Variants in ACP3 observed in about 807,000 individuals in gnomAD.
The protein encoded by ACP3 is prostatic acid phosphatase.
ACP3 carries 38 observed loss-of-function variants against 45.6 expected under a neutral mutation model. The ratio of observed to expected loss-of-function variants is 0.83; its 90% CI spans 0.64 to 1.09. The LOEUF is 1.09. Ranked by LOEUF, ACP3 falls within the 50% of genes least tolerant of loss-of-function variation. ACP3 has a pLI of 0.00. For synonymous variants in ACP3, 162 were observed against 164.7 expected (o/e 0.98, Z 0.13); for missense variants, 466 against 463.2 (o/e 1.01, Z -0.05).
downstream of ACP3, chr3:132,358,884 G>T (rs1037275264): frequency 3.1e-6 from 3 of 982,468 alleles, no homozygotes; most frequent in Non-Finnish European, 3.6e-6. Flanking sequence ...ATAACAAGAT[G>T]GAAAATATTA....
rs185192942 is a variant in ACP3 at position 132,327,547 on chromosome 3, G to A, written c.121-720G>A. Among the ~76,000 whole-genome samples, 20 of 150,440 alleles carry A rather than the reference G, an allele frequency of 1.3e-4. No individual in the cohort carries two copies. The South Asian group carries it at 1.5e-3, about 11-fold the overall frequency. On this transcript the variant is annotated intron_variant, in intron 1 of 9. Coordinates refer to ENST00000336375, the MANE Select transcript of ACP3 (RefSeq NM_001099.5). ...AAAAAAAGTTATACTAGTTGGGCAC[G>A]GTGGCTCACACCTGTAATCCCAGCA...
intron 10 of ACP3, among the ~76,000 whole-genome samples, chr3:132,365,394 G>T (rs1035177289): frequency 6.6e-6 from 1 of 152,200 alleles, no homozygotes; most frequent in African/African-American, 2.4e-5. Context: ...AGGGATGTGT[G>T]GGAGAGCATT....
chr3:132,329,551 G>A (rs1937362116), intron 2 of ACP3, among the ~76,000 whole-genome samples: 1 of 152,160 alleles, frequency 6.6e-6, no homozygotes, highest in African/African-American at 2.4e-5. Flanking sequence ...TTGAATGAAA[G>A]AGAGGCTACA....
At chr3:132,361,376 G>A (rs73215948), downstream of ACP3, among the ~76,000 whole-genome samples, 17,880 of 152,054 alleles carry the variant, frequency 0.12, 1,334 homozygotes, top group Non-Finnish European at 0.18. Flanking sequence ...GGTATGCTCC[G>A]ATTCACTCCT....
chr3:132,339,780 T>C (rs1316756740), intron 5 of ACP3, among the ~76,000 whole-genome samples: 1 of 152,182 alleles, frequency 6.6e-6, no homozygotes, highest in Non-Finnish European at 1.5e-5. Context: ...ATAGGCATGA[T>C]TGATTAAGCC....
chr3:132,320,412 T>G (rs1937184645), intron 1 of ACP3, among the ~76,000 whole-genome samples: 1 of 151,990 alleles, frequency 6.6e-6, no homozygotes, highest in African/African-American at 2.4e-5. Context: ...CCCACTTGAG[T>G]TTTTTAAGTT....
At chr3:132,337,613 A>C in intron 5 of ACP3, 59 bp downstream of exon 5, 1 of 1,117,712 alleles carries the variant, frequency 8.9e-7, no homozygotes, top group Non-Finnish European at 1.3e-6. Flanking sequence ...CTTGAGTGTG[A>C]GGGCCAAGAC....
At position 132,332,513 on chromosome 3, in the gene ACP3, AAG is replaced by A. The variant is rs1937418710; in HGVS notation, c.456+176_456+177del. On this transcript the variant is annotated intron_variant, in intron 4 of 9. Coordinates refer to ENST00000336375, the MANE Select transcript of ACP3 (RefSeq NM_001099.5). ...ATTTAGGACATGGAAAACCCTAGCTAAGAGAGAGTAGGAACCAAATTTCTCTT... is the reference window on the plus strand; with the variant it reads ...ATTTAGGACATGGAAAACCCTAGCTAAGAGAGTAGGAACCAAATTTCTCTT... The A allele has an allele frequency of 2.4e-5, 20 of 827,736 alleles. No homozygotes were observed. The South Asian group carries it at 3.8e-4, about 16-fold the overall frequency. The allele number at this position is 827,736 out of a possible 1,614,324, so 51.3% of individuals were successfully genotyped here.
In ACP3 at chr3:132,332,213, G is replaced by A. The variant is rs1377362341; in HGVS notation, c.325G>A (p.Val109Ile). The change falls in exon 4 of 10, where the codon GTT (valine) becomes ATT (isoleucine). Residue 109 changes from valine (V) to isoleucine (I), a missense_variant. Val to Ile is a conservative substitution (Grantham distance 29). Transcript: ENST00000336375. ...CTAGGTTTATATTCGAAGCACAGACGTTGACCGGACTTTGATGAGTGCTAT... is the reference window on the plus strand; with the variant it reads ...CTAGGTTTATATTCGAAGCACAGACATTGACCGGACTTTGATGAGTGCTAT... ...HEQVYIRSTDVDRTLMSAMTN... is the reference protein window; with the variant it reads ...HEQVYIRSTDIDRTLMSAMTN... 1.1e-5 allele frequency: 17 copies of A among 1,613,970 alleles called. No individual in the cohort carries two copies. The highest frequency in any genetic ancestry group is 1.6e-4 in the Middle Eastern group (1 of 6,082).
chr3:132,325,619 C>CACACACACACACA (rs1308503169), intron 1 of ACP3, among the ~76,000 whole-genome samples: 6 of 151,494 alleles, frequency 4.0e-5, no homozygotes, highest in Admixed American at 6.6e-5. Context: ...CACACACACA[C>CACACACACACACA]CCCTTCCAAT....
At chr3:132,334,482 G>T (rs1019210027) in intron 4 of ACP3, among the ~76,000 whole-genome samples, 8 of 152,200 alleles carry the variant, frequency 5.3e-5, no homozygotes. Flanking sequence ...GACATTATAA[G>T]ATGGCGGGCA....
At chr3:132,323,330 A>C (rs1937238413) in intron 1 of ACP3, among the ~76,000 whole-genome samples, 1 of 152,090 alleles carries the variant, frequency 6.6e-6, no homozygotes, top group South Asian at 2.1e-4. Flanking sequence ...TTTTTTGCAT[A>C]TTACTATGTT....
At chr3:132,367,061 G>A (rs962562137) in intron 10 of ACP3, among the ~76,000 whole-genome samples, 5 of 152,156 alleles carry the variant, frequency 3.3e-5, no homozygotes, top group African/African-American at 1.2e-4. Context: ...TATTTATGAT[G>A]TGTATACTAT....
Position 132,358,303 on chromosome 3 carries a change from A to G in ACP3, c.*1425A>G. ...TGTAATTATGTTCTAAGTGCCTCCA[A>G]GTTCAAAACTTATTGGAATGTTGAG... On this transcript the variant is annotated 3_prime_UTR_variant, in exon 10 of 10. Coordinates refer to ENST00000336375, the MANE Select transcript of ACP3 (RefSeq NM_001099.5). 1 of 1,118,604 alleles carries G rather than the reference A, an allele frequency of 8.9e-7. No homozygotes were observed. The highest frequency in any genetic ancestry group is 1.1e-6 in the Non-Finnish European group (1 of 900,094). 69.3% of individuals were successfully genotyped at this position (1,118,604 alleles called of 1,614,324 possible).
chr3:132,333,356 T>C (rs1313060205), intron 4 of ACP3: 1 of 152,638 alleles, frequency 6.6e-6, no homozygotes, highest in Admixed American at 6.5e-5. Context: ...CTTAAGGCTA[T>C]ATGAAAGAAA....
chr3:132,361,960 C>T (rs971547136), downstream of ACP3, among the ~76,000 whole-genome samples: 6 of 152,242 alleles, frequency 3.9e-5, no homozygotes, highest in East Asian at 1.2e-3. Context: ...CGAAAATGCC[C>T]AAATATCCTC....
At chr3:132,346,038 A>T (rs1418707985) in intron 7 of ACP3, among the ~76,000 whole-genome samples, 2 of 152,184 alleles carry the variant, frequency 1.3e-5, no homozygotes, top group Non-Finnish European at 2.9e-5. Context: ...GCATTTTGAG[A>T]TTAATACAAT....
chr3:132,317,516 T>C lies in ACP3; in HGVS notation c.60T>C (p.Phe20=), dbSNP rs1937130630. The change falls in exon 1 of 10, where the codon TTT becomes TTC. Residue 20 remains phenylalanine (F), a synonymous_variant. Coordinates refer to ENST00000336375, the MANE Select transcript of ACP3 (RefSeq NM_001099.5). ...RAASLSLGFL[F]LLFFWLDRSV... ...CAAGCCTTAGCCTTGGCTTCTTGTT[T>C]CTGCTTTTTTTCTGGCTAGACCGAA... The C allele has an allele frequency of 6.2e-7, 1 of 1,613,672 alleles. No individual in the cohort carries two copies. Among genetic ancestry groups the C allele is most frequent in the Admixed American group, 1.7e-5 (1 of 59,964 alleles).
chr3:132,363,902 A>T (rs755704137), intron 10 of ACP3, among the ~76,000 whole-genome samples: 1 of 152,148 alleles, frequency 6.6e-6, no homozygotes, highest in Non-Finnish European at 1.5e-5. Flanking sequence ...GTGCCACTGC[A>T]CTCTAGCCTA....
Sources: allele counts gnomAD v4.1 joint callset (sites outside exome capture counted in the v4.1 genomes callset), GRCh38; gene constraint gnomAD v4.1.1; transcripts MANE v1.5; gene names NCBI Gene and HGNC (gene_info 2026-07-23, HGNC 2026-07-21).